The following SLC19A1 variants were observed in gnomAD, a reference collection of about 807,000 sequenced individuals.
SLC19A1 encodes solute carrier family 19 member 1.
SLC19A1 carries 37 observed loss-of-function variants against 35.3 expected under a neutral mutation model. The observed-to-expected ratio is 1.05, with a 90% CI of 0.81 to 1.38. The LOEUF is 1.38. Ranked by LOEUF, SLC19A1 falls within the 40% of genes most tolerant of loss-of-function variation. The pLI, the probability that SLC19A1 is intolerant of heterozygous loss-of-function variation, is 0.00. For synonymous variants in SLC19A1, 460 were observed against 398.5 expected, an observed-to-expected ratio of 1.15 and a Z score of -1.84; for missense variants, 831 against 826.9, an observed-to-expected ratio of 1.00 and a Z score of -0.06.
At chr21:45,551,407 G>C (rs1391254001) in intron 1 of SLC19A1, among the ~76,000 whole-genome samples, 1 of 151,998 alleles carries the variant, frequency 6.6e-6, no homozygotes, top group Non-Finnish European at 1.5e-5. Flanking sequence ...ATAAAACTAG[G>C]AATAATAAAC....
rs767841563 is a variant in SLC19A1 at position 45,516,009 on chromosome 21, G to A, written c.1425C>T (p.Ala475=). 12 of 1,572,726 alleles carry A rather than the reference G, an allele frequency of 7.6e-6. No homozygotes were observed. Among genetic ancestry groups the A allele is most frequent in the South Asian group, 2.3e-5 (2 of 86,450 alleles). The change falls in exon 6 of 6, where the codon GCC becomes GCT. Residue 475 remains alanine (A), a synonymous_variant. Transcript: ENST00000311124. ...RQPPAQGLRS[A]AEEKAAQALS... ...GTGCCTGTGCTGCCTTCTCCTCCGC[G>A]GCACTCCTCAGGCCCTGGGCCGGGG...
At chr21:45,546,927 A>G (rs2078421767), upstream of SLC19A1, among the ~76,000 whole-genome samples, 1 of 152,202 alleles carries the variant, frequency 6.6e-6, no homozygotes, top group Non-Finnish European at 1.5e-5. Flanking sequence ...AGAAGACAAA[A>G]TGATTGGGAA....
Position 45,514,999 on chromosome 21 carries a change from G to A in SLC19A1, c.*659C>T. 6.6e-7 allele frequency: 1 copy of A among 1,523,366 alleles called. No homozygotes were observed. The highest frequency in any genetic ancestry group is 8.8e-7 in the Non-Finnish European group (1 of 1,139,084). 94.4% of individuals were successfully genotyped at this position (1,523,366 alleles called of 1,614,324 possible). ...GGTCAGGATGGACACACTTCAGAAG[G>A]ACAGACAGGACCATGGAGGGCTGCC... On this transcript the variant is annotated 3_prime_UTR_variant, in exon 6 of 6. Coordinates refer to ENST00000311124, the MANE Select transcript of SLC19A1 (RefSeq NM_194255.4).
chr21:45,532,342 C>T (rs749592191), intron 2 of SLC19A1, among the ~76,000 whole-genome samples, 194 bp from the exon 3 acceptor site: 1 of 152,228 alleles, frequency 6.6e-6, no homozygotes, highest in African/African-American at 2.4e-5. Context: ...GGCTCCCGAC[C>T]GTCCCGGCAG....
At position 45,537,803 on chromosome 21, in the gene SLC19A1, G is replaced by A. The variant is rs1250480918; in HGVS notation, c.157C>T (p.Leu53=). The change falls in exon 2 of 6, where the codon CTG becomes TTG. Residue 53 remains leucine (L), a synonymous_variant. Transcript: ENST00000311124. ...CGCGTGAAGTTCTTGTCGGGCCCCA[G>A]GAGGTAGGGGGTGATGAAGCTCTCC... ...PGESFITPYL[L]GPDKNFTREQ... 1 of 1,513,380 alleles carries A rather than the reference G, an allele frequency of 6.6e-7. No homozygotes were observed. The highest frequency in any genetic ancestry group is 2.7e-5 in the East Asian group (1 of 37,466). 93.7% of individuals were successfully genotyped at this position (1,513,380 alleles called of 1,614,324 possible). A position where few individuals can be genotyped will look rare whatever the true frequency, so the allele number is the denominator to read the frequency against.
chr21:45,535,830 C>T (rs1415727629), intron 2 of SLC19A1, among the ~76,000 whole-genome samples: 1 of 152,248 alleles, frequency 6.6e-6, no homozygotes, highest in Non-Finnish European at 1.5e-5. Flanking sequence ...CCACGTGGAA[C>T]GTCTCTCAAG....
intron 3 of SLC19A1, chr21:45,505,016 C>A: frequency 7.6e-7 from 1 of 1,310,940 alleles, no homozygotes; most frequent in Non-Finnish European, 1.1e-6. Context: ...GGGAGGGGAC[C>A]GGTGACTCAG....
At chr21:45,506,434 G>A (rs2037208786) in intron 3 of SLC19A1, 1 of 286,800 alleles carries the variant, frequency 3.5e-6, no homozygotes, top group African/African-American at 2.2e-5. Flanking sequence ...GCTTAGCACG[G>A]GCCTTGCTCA....
intron 1 of SLC19A1, among the ~76,000 whole-genome samples, chr21:45,554,502 GC>G (rs1484128845): frequency 2.7e-5 from 1 of 36,724 alleles, no homozygotes; most frequent in Non-Finnish European, 4.9e-5. Context: ...AATCCCCTGC[GC>G]CCCCATCCCA....
chr21:45,538,888 C>T (rs929466295), intron 1 of SLC19A1, among the ~76,000 whole-genome samples: 7 of 152,162 alleles, frequency 4.6e-5, no homozygotes, highest in South Asian at 2.1e-4. Context: ...CCAGCACCCC[C>T]GCCCCACACG....
chr21:45,541,219 G>A (rs779750016), intron 1 of SLC19A1, among the ~76,000 whole-genome samples: 2 of 152,148 alleles, frequency 1.3e-5, no homozygotes, highest in South Asian at 2.1e-4. Context: ...AAGCCCCTTC[G>A]GAAAGAAAGC....
chr21:45,557,780 G>A (rs2078578093), intron 1 of SLC19A1, among the ~76,000 whole-genome samples: 1 of 152,224 alleles, frequency 6.6e-6, no homozygotes, highest in South Asian at 2.1e-4. Context: ...TCCCGGCTCA[G>A]GCTGAGCCCT....
chr21:45,506,833 C>T (rs906187107), intron 3 of SLC19A1: 7 of 166,880 alleles, frequency 4.2e-5, no homozygotes, highest in Non-Finnish European at 7.8e-5. Context: ...CTCTCGCCAC[C>T]GGCCCCCTCC....
intron 3 of SLC19A1, chr21:45,505,687 C>T (rs938592578): frequency 2.8e-6 from 2 of 708,444 alleles, no homozygotes; most frequent in East Asian, 2.7e-5. Flanking sequence ...GCAGGGGTCC[C>T]CATGGTGCTC....
At chr21:45,503,806 AAAAT>A in intron 3 of SLC19A1, 1 of 330,802 alleles carries the variant, frequency 3.0e-6, no homozygotes. Flanking sequence ...AAAAAATTTA[AAAAT>A]AAAATAAAAA....
chr21:45,513,960 C>T lies in SLC19A1; in HGVS notation c.*1698G>A, dbSNP rs1469731047. 6.6e-6 allele frequency: 1 copy of T among 152,320 alleles called. No individual in the cohort carries two copies. The highest frequency in any genetic ancestry group is 1.5e-5 in the Non-Finnish European group (1 of 68,118). The allele number at this position is 152,320 out of a possible 1,614,324, so 9.4% of individuals were successfully genotyped here. Reference sequence around the variant, plus strand: ...CATGCACGGGTGTGTGGACACACACCAACACTCTTAGGTCTCTCCTCACAG... The same window carrying T: ...CATGCACGGGTGTGTGGACACACACTAACACTCTTAGGTCTCTCCTCACAG... On this transcript the variant is annotated 3_prime_UTR_variant, in exon 6 of 6. Transcript: ENST00000311124.
chr21:45,559,893 G>A (rs1602965797), intron 1 of SLC19A1, among the ~76,000 whole-genome samples: 1 of 151,800 alleles, frequency 6.6e-6, no homozygotes, highest in Non-Finnish European at 1.5e-5. Context: ...TGATGATGGG[G>A]GCAGACAGCC....
chr21:45,505,240 C>T (rs1197213034), intron 3 of SLC19A1: 1 of 1,603,650 alleles, frequency 6.2e-7, no homozygotes, highest in East Asian at 2.3e-5. Context: ...CCCCCAGGCC[C>T]CCCAGGGCCC....
rs1393988680 is a variant in SLC19A1, at chr21:45,553,767, G to A, written c.-50+8975C>T. On this transcript the variant is annotated intron_variant, in intron 1 of 5. Coordinates refer to the SLC19A1 transcript ENST00000650808. ...TCCCAATCCCCCACGCCCCATCCCAGTCCCCCACACCCCCTCCCAATCCCC... is the reference window on the plus strand; with the variant it reads ...TCCCAATCCCCCACGCCCCATCCCAATCCCCCACACCCCCTCCCAATCCCC... Among the ~76,000 whole-genome samples, 5 of 752 alleles carry A rather than the reference G, an allele frequency of 6.6e-3. 1 individual carries two copies. The highest frequency in any genetic ancestry group is 8.3e-3 in the Non-Finnish European group (4 of 482). The allele number at this position is 752 out of a possible 152,430, so 0.5% of individuals were successfully genotyped here.
Sources: allele counts gnomAD v4.1 joint callset (sites outside exome capture counted in the v4.1 genomes callset), GRCh38; gene constraint gnomAD v4.1.1; transcripts MANE v1.5; gene names NCBI Gene and HGNC (gene_info 2026-07-23, HGNC 2026-07-21).